The following ALDH18A1 variants were observed in gnomAD, a reference collection of about 807,000 sequenced individuals.
The protein encoded by ALDH18A1 is delta-1-pyrroline-5-carboxylate synthase.
ALDH18A1 carries 44 observed loss-of-function variants against 88.8 expected under a neutral mutation model. That is an observed-to-expected ratio of 0.50 (90% CI 0.39 to 0.64). The LOEUF is 0.64. Ranked by LOEUF, ALDH18A1 falls within the 30% of genes least tolerant of loss-of-function variation. The pLI, the probability that ALDH18A1 is intolerant of heterozygous loss-of-function variation, is 0.00. For synonymous variants in ALDH18A1, 331 were observed against 372.1 expected (o/e 0.89, Z 1.27); for missense variants, 782 against 1,009.5 (o/e 0.77, Z 3.05).
intron 3 of ALDH18A1, among the ~76,000 whole-genome samples, chr10:95,640,751 T>C (rs920108724): frequency 2.0e-5 from 3 of 152,204 alleles, no homozygotes; most frequent in Non-Finnish European, 4.4e-5. Flanking sequence ...AGTCAGGCCC[T>C]GATGGAGACA....
intron 15 of ALDH18A1, 91 bp downstream of exon 15, chr10:95,613,651 T>C: frequency 6.6e-7 from 1 of 1,523,482 alleles, no homozygotes; most frequent in Non-Finnish European, 9.1e-7. Context: ...ATATTGTTTC[T>C]TAAACTGCCT....
rs554801126 is a variant in ALDH18A1, at chr10:95,633,719, G to A, written c.559-70C>T. The A allele has an allele frequency of 1.1e-3, 1,664 of 1,538,954 alleles. 3 individuals are homozygous for A. Among genetic ancestry groups the A allele is most frequent in the Middle Eastern group, 1.9e-3 (11 of 5,782 alleles). Reference sequence around the variant, plus strand: ...CTAAACTTCCCAGTATACAAAAGACGCTAAGAGCAGGGGAGTTAAACTTTA... The same window carrying A: ...CTAAACTTCCCAGTATACAAAAGACACTAAGAGCAGGGGAGTTAAACTTTA... On this transcript the variant is annotated intron_variant, in intron 5 of 17. Transcript: ENST00000371224.
At position 95,625,473 on chromosome 10, in the gene ALDH18A1, C is replaced by G; in HGVS notation, c.1153-18G>C. ...TCTGCTCTCTAGAAGAAAGGTACAC[C>G]ATTAAAAAAACAGAGATGTTAATCC... On this transcript the variant is annotated intron_variant, in intron 10 of 17. Transcript: ENST00000371224. 6.2e-7 allele frequency: 1 copy of G among 1,603,662 alleles called. No homozygotes were observed. Among genetic ancestry groups the G allele is most frequent in the Middle Eastern group, 1.7e-4 (1 of 6,048 alleles).
At chr10:95,612,702 C>G (rs2097837398) in intron 15 of ALDH18A1, among the ~76,000 whole-genome samples, 1 of 152,128 alleles carries the variant, frequency 6.6e-6, no homozygotes, top group South Asian at 2.1e-4. Context: ...CTTGTGTGTT[C>G]AAATTAGGTC....
chr10:95,630,189 C>T (rs1370949678), intron 7 of ALDH18A1, among the ~76,000 whole-genome samples: 1 of 152,162 alleles, frequency 6.6e-6, no homozygotes, highest in African/African-American at 2.4e-5. Flanking sequence ...CAGTTGACTG[C>T]AGCGTCAACT....
chr10:95,653,183 G>A, intron 2 of ALDH18A1, 107 bp downstream of exon 2: 7 of 1,098,850 alleles, frequency 6.4e-6, no homozygotes, highest in Non-Finnish European at 9.7e-6. Context: ...ATGAGACCCT[G>A]TCTCCAAACA....
chr10:95,608,074 C>T (rs1447563912), intron 17 of ALDH18A1, among the ~76,000 whole-genome samples: 4 of 152,176 alleles, frequency 2.6e-5, no homozygotes, highest in South Asian at 2.1e-4. Context: ...AGCATGCTTG[C>T]GACACATTTA....
At chr10:95,645,764 C>T (rs2097900323) in intron 2 of ALDH18A1, among the ~76,000 whole-genome samples, 1 of 151,934 alleles carries the variant, frequency 6.6e-6, no homozygotes, top group South Asian at 2.1e-4. Context: ...TGGGATGGAA[C>T]TGGGATTCCG....
chr10:95,627,673 T>C (rs2097862381), intron 8 of ALDH18A1, 87 bp from the exon 9 acceptor site: 5 of 1,508,502 alleles, frequency 3.3e-6, no homozygotes, highest in Admixed American at 1.7e-5. Context: ...AAAATACAAG[T>C]TGATATTGAA....
At position 95,653,179 on chromosome 10, in the gene ALDH18A1, C is replaced by A. The variant is rs957637312; in HGVS notation, c.88+111G>T. On this transcript the variant is annotated intron_variant, in intron 2 of 17. Coordinates refer to ENST00000371224, the MANE Select transcript of ALDH18A1 (RefSeq NM_002860.4). ...CTCCAGCCTGTGTGACAAAATGAGA[C>A]CCTGTCTCCAAACAAACAAACAAAC... 5 of 1,045,902 alleles carry A rather than the reference C, an allele frequency of 4.8e-6. No homozygotes were observed. In the South Asian group the frequency reaches 5.2e-5, roughly 11 times the overall value. The allele number at this position is 1,045,902 out of a possible 1,614,324, so 64.8% of individuals were successfully genotyped here.
chr10:95,615,316 G>A (rs2097842309), intron 13 of ALDH18A1, among the ~76,000 whole-genome samples: 1 of 149,526 alleles, frequency 6.7e-6, no homozygotes, highest in Non-Finnish European at 1.5e-5. Flanking sequence ...TCCAGTCTGG[G>A]CAACAGAGCA....
chr10:95,637,036 G>T, intron 5 of ALDH18A1, 57 bp downstream of exon 5: 1 of 1,523,950 alleles, frequency 6.6e-7, no homozygotes, highest in Non-Finnish European at 9.0e-7. Flanking sequence ...AGACCCCTTT[G>T]TTCCACAACA....
intron 7 of ALDH18A1, 119 bp downstream of exon 7, chr10:95,632,840 G>T: frequency 1.2e-6 from 1 of 862,920 alleles, no homozygotes; most frequent in Non-Finnish European, 1.9e-6. Context: ...AGAACATATG[G>T]CTAATGATCT....
At chr10:95,631,167 G>C (rs1206812854) in intron 7 of ALDH18A1, among the ~76,000 whole-genome samples, 4 of 152,170 alleles carry the variant, frequency 2.6e-5, no homozygotes, top group Non-Finnish European at 5.9e-5. Context: ...AAGAAAGCTT[G>C]AGAGGAGTGA....
rs200452017 is a variant in ALDH18A1, at chr10:95,616,478, A to T, written c.1604T>A (p.Leu535Gln). The T allele has an allele frequency of 5.1e-5, 79 of 1,563,274 alleles. 1 individual carries two copies. Among genetic ancestry groups the T allele is most frequent in the Admixed American group, 7.7e-5 (4 of 51,820 alleles). The stretch of plus-strand genomic sequence containing the variant: ...CTTGGTGCATTCCCAGGGACCTACC[A>T]GTTGCACGGCCTCCTTGACTCCATG... ...SIHGVKEAVQ[L>Q]VNTREEVEDL... is the part of the protein sequence containing the mutation. The change falls in exon 13 of 18, where the codon CTG (leucine) becomes CAG (glutamine). Residue 535 changes from leucine to glutamine, a missense_variant and splice_region_variant. Transcript: ENST00000371224.
chr10:95,617,820 G>C (rs1190378276), intron 12 of ALDH18A1, among the ~76,000 whole-genome samples: 1 of 152,152 alleles, frequency 6.6e-6, no homozygotes. Flanking sequence ...AAATTTCACG[G>C]ATACAGTCCA....
At chr10:95,613,627 G>T (rs2097839541) in intron 15 of ALDH18A1, 115 bp downstream of exon 15, 1 of 1,375,566 alleles carries the variant, frequency 7.3e-7, no homozygotes, top group Admixed American at 1.7e-5. Context: ...TTTGTACACA[G>T]AAGATATTAA....
chr10:95,628,980 C>T (rs140610264), intron 7 of ALDH18A1: 1 of 199,758 alleles, frequency 5.0e-6, no homozygotes, highest in Admixed American at 5.3e-5. Context: ...CTAATTTACA[C>T]TCCCAGTTTT....
intron 3 of ALDH18A1, among the ~76,000 whole-genome samples, chr10:95,642,012 G>C (rs2097892685): frequency 1.3e-5 from 2 of 151,958 alleles, no homozygotes; most frequent in East Asian, 1.9e-4. Flanking sequence ...GAAAATATAA[G>C]AAAAAAATTG....
Sources: gnomAD v4.1 joint callset for allele counts (sites outside exome capture counted in the v4.1 genomes callset) on GRCh38, gnomAD v4.1.1 for gene constraint, MANE v1.5 for transcripts, NCBI Gene and HGNC (gene_info 2026-07-23, HGNC 2026-07-21) for gene names.